The following LARP6 variants were observed in gnomAD, a reference collection of about 807,000 sequenced individuals.
LARP6 encodes the protein La ribonucleoprotein 6, translational regulator.
A neutral mutation model predicts 32.8 loss-of-function variants in LARP6; 18 were observed. That is an observed-to-expected ratio of 0.55 (90% confidence interval 0.38 to 0.81). The LOEUF (loss-of-function observed/expected upper bound fraction) is 0.81. LARP6 is among the 40% of genes least tolerant of loss of function. The pLI is 0.00. For synonymous variants in LARP6, 289 were observed against 267.2 expected (o/e 1.08, Z -0.80); for missense variants, 598 against 663.1 (o/e 0.90, Z 1.08).
chr15:70,844,019 C>T (rs1189755160), intron 1 of LARP6, among the ~76,000 whole-genome samples: 4 of 149,272 alleles, frequency 2.7e-5, no homozygotes, highest in Non-Finnish European at 5.9e-5. Flanking sequence ...TGCAGTGGTG[C>T]GATCTCGGCT....
rs998519204 is a variant in LARP6 at position 70,832,771 on chromosome 15, C to T, written c.757G>A (p.Val253Met). The change falls in exon 3 of 3, where the codon GTG (valine) becomes ATG (methionine). Residue 253 changes from valine (V) to methionine (M), a missense_variant. Transcript: ENST00000299213. ...ACGATGGCGCACTCCTGGGTCCCCA[C>T]TTGGCTGTAGCGGCTGCTGATCCTC... ...IRRISSRYSQ[V>M]GTQECAIVEF... is the part of the protein sequence containing the mutation. The T allele has an allele frequency of 1.2e-6, 2 of 1,606,384 alleles. No individual in the cohort carries two copies. Among genetic ancestry groups the T allele is most frequent in the Non-Finnish European group, 1.7e-6 (2 of 1,176,978 alleles).
At chr15:70,851,062 A>C (rs971043346) in intron 1 of LARP6, among the ~76,000 whole-genome samples, 1 of 152,200 alleles carries the variant, frequency 6.6e-6, no homozygotes, top group Admixed American at 6.5e-5. Flanking sequence ...GGGAATCTTG[A>C]ATGTGGAACT....
At chr15:70,846,198 C>T (rs1342850738) in intron 1 of LARP6, among the ~76,000 whole-genome samples, 1 of 152,220 alleles carries the variant, frequency 6.6e-6, no homozygotes, top group African/African-American at 2.4e-5. Flanking sequence ...CCACTCTGTG[C>T]CATATTACAT....
At position 70,831,431 on chromosome 15, in the gene LARP6, A is replaced by T. The variant is rs1223385420; in HGVS notation, c.*621T>A. 2 of 152,240 alleles carry T rather than the reference A, an allele frequency of 1.3e-5. No individual in the cohort carries two copies. The highest frequency in any genetic ancestry group is 4.8e-5 in the African/African-American group (2 of 41,466). 9.4% of individuals were successfully genotyped at this position (152,240 alleles called of 1,614,324 possible). A position where few individuals can be genotyped will look rare whatever the true frequency, so the allele number is the denominator to read the frequency against. On this transcript the variant is annotated 3_prime_UTR_variant, in exon 3 of 3. Transcript: ENST00000299213. ...AAAATTTTTAAATGTTCTCTTAAAG[A>T]AAAGAAAGATGTCTCTGCTAAGCTC... is the stretch of plus-strand genomic sequence containing the variant.
chr15:70,848,703 C>A (rs1024497665), intron 1 of LARP6, among the ~76,000 whole-genome samples: 4 of 151,796 alleles, frequency 2.6e-5, no homozygotes, highest in East Asian at 2.0e-4. Context: ...CTGCCCTCCA[C>A]CCTGGGTGAC....
At chr15:70,838,904 C>T (rs1469557056) in intron 1 of LARP6, among the ~76,000 whole-genome samples, 1 of 117,672 alleles carries the variant, frequency 8.5e-6, no homozygotes, top group Admixed American at 1.1e-4. Flanking sequence ...CACTGGCTCT[C>T]AGCCTCACAA....
In LARP6 at chr15:70,854,072, C is replaced by G. The variant is rs1217635633; in HGVS notation, c.17G>C (p.Gly6Ala). The G allele has an allele frequency of 7.3e-7, 1 of 1,370,652 alleles. No individual in the cohort carries two copies. Among genetic ancestry groups the G allele is most frequent in the East Asian group, 3.1e-5 (1 of 31,954 alleles). The allele number at this position is 1,370,652 out of a possible 1,614,324, so 84.9% of individuals were successfully genotyped here. A position where few individuals can be genotyped will look rare whatever the true frequency, so the allele number is the denominator to read the frequency against. Residue 6 changes from glycine to alanine, a missense_variant, in exon 1 of 3, where the codon GGG (glycine) becomes GCG (alanine). Gly to Ala is a moderately conservative substitution (Grantham distance 60). Around this residue, in one of 3 missense-constraint regions of LARP6, gnomAD observed 161 missense variants for 148.6 expected, o/e 1.08. Transcript: ENST00000299213. MAQSG[G>A]EARPGPKTAV... ...CGTCTTGGGCCCGGGCCGAGCCTCCCCGCCGGACTGGGCCATGGCTCGCGG... is the reference window on the plus strand; with the variant it reads ...CGTCTTGGGCCCGGGCCGAGCCTCCGCGCCGGACTGGGCCATGGCTCGCGG...
At chr15:70,835,820 G>A (rs116580607) in intron 2 of LARP6, among the ~76,000 whole-genome samples, 2,888 of 152,280 alleles carry the variant, frequency 0.019, 66 homozygotes, top group African/African-American at 0.053. Context: ...GGATGATGGC[G>A]TCACACAGGC....
intron 1 of LARP6, among the ~76,000 whole-genome samples, chr15:70,839,433 G>A (rs375005393): frequency 1.1e-3 from 108 of 98,812 alleles, no homozygotes; most frequent in African/African-American, 3.5e-3. Flanking sequence ...GAGTGAGACT[G>A]TCTCAAAAAA....
rs1056960673 is a variant in LARP6, at chr15:70,853,786, C to T, written c.200+103G>A. 4.5e-6 allele frequency: 4 copies of T among 882,042 alleles called. No homozygotes were observed. In the African/African-American group the frequency reaches 5.3e-5, roughly 12 times the overall value. 54.6% of individuals were successfully genotyped at this position (882,042 alleles called of 1,614,324 possible). On this transcript the variant is annotated intron_variant, in intron 1 of 2. Transcript: ENST00000299213. ...TTCCCCGGCGGCGGGGCTGACTCAA[C>T]CCCCTCTGCCCGAGGAGTTGTCGCG...
intron 1 of LARP6, among the ~76,000 whole-genome samples, chr15:70,847,129 C>A (rs530832532): frequency 7.7e-4 from 117 of 152,282 alleles, no homozygotes; most frequent in African/African-American, 2.7e-3. Context: ...GAGGGCAAAT[C>A]ATACCTATCA....
Position 70,840,535 on chromosome 15 carries a change from C to A in LARP6, c.201-4030G>T, listed in dbSNP as rs533571164. Among the ~76,000 whole-genome samples, 9 of 152,036 alleles carry A rather than the reference C, an allele frequency of 5.9e-5. No individual in the cohort carries two copies. The South Asian group carries it at 1.9e-3, about 32-fold the overall frequency. ...AGCCTGGGTGACAAGAGCGAAACTC[C>A]GTCTCAAACAAAAACAAACAAACAA... On this transcript the variant is annotated intron_variant, in intron 1 of 2. Coordinates refer to ENST00000299213, the MANE Select transcript of LARP6 (RefSeq NM_018357.4).
chr15:70,842,949 C>G (rs565613648), intron 1 of LARP6, among the ~76,000 whole-genome samples: 1 of 152,274 alleles, frequency 6.6e-6, no homozygotes, highest in East Asian at 1.9e-4. Flanking sequence ...CAGGAGCAGG[C>G]TGCATTGTTT....
chr15:70,839,986 C>T (rs1316903242), intron 1 of LARP6, among the ~76,000 whole-genome samples: 1 of 152,218 alleles, frequency 6.6e-6, no homozygotes. Flanking sequence ...GCTCTTATAA[C>T]TATCTACCTG....
chr15:70,842,937 T>C (rs1415546170), intron 1 of LARP6, among the ~76,000 whole-genome samples: 1 of 152,206 alleles, frequency 6.6e-6, no homozygotes, highest in East Asian at 1.9e-4. Flanking sequence ...CTATGTTATA[T>C]CCAGGAGCAG....
At chr15:70,851,506 G>C (rs2032449947) in intron 1 of LARP6, 1 of 1,453,024 alleles carries the variant, frequency 6.9e-7, no homozygotes, top group Non-Finnish European at 9.1e-7. Flanking sequence ...GCTAGGTATG[G>C]AAATACAAAA....
intron 1 of LARP6, among the ~76,000 whole-genome samples, chr15:70,840,153 G>A (rs2032225482): frequency 6.6e-6 from 1 of 152,174 alleles, no homozygotes; most frequent in African/African-American, 2.4e-5. Context: ...AAACATCAGT[G>A]GGACAACCAA....
intron 1 of LARP6, chr15:70,851,606 G>C (rs1372757674): frequency 6.2e-7 from 1 of 1,603,828 alleles, no homozygotes; most frequent in Admixed American, 1.7e-5. Context: ...TGAGTGTGAT[G>C]ATAGAGATAC....
chr15:70,848,219 T>C (rs1335544453), intron 1 of LARP6, among the ~76,000 whole-genome samples: 1 of 152,174 alleles, frequency 6.6e-6, no homozygotes, highest in African/African-American at 2.4e-5. Context: ...ATGTTATGCT[T>C]GCGTGGCCCA....
Sources: allele counts gnomAD v4.1 joint callset (sites outside exome capture counted in the v4.1 genomes callset), GRCh38; gene constraint gnomAD v4.1.1; regional missense constraint gnomAD v4.1.1; transcripts MANE v1.5; gene names NCBI Gene and HGNC (gene_info 2026-07-23, HGNC 2026-07-21).